The following CNBD1 variants were observed in gnomAD, a reference collection of about 807,000 sequenced individuals.
CNBD1 encodes cyclic nucleotide binding domain containing 1, also known as cyclic nucleotide-binding domain-containing protein 1.
In CNBD1, 71 loss-of-function variants were observed where a neutral mutation model predicts 54.4. That is an observed-to-expected ratio of 1.30 (90% confidence interval 1.08 to 1.59). CNBD1 has a LOEUF of 1.59. Among genes scored for constraint, CNBD1 ranks in the 40% most tolerant of loss-of-function variants. CNBD1 has a pLI of 0.00. For missense variants in CNBD1, 659 were observed against 518.0 expected (o/e 1.27, Z -2.64); for synonymous variants, 182 against 170.7 (o/e 1.07, Z -0.51).
intron 2 of CNBD1, among the ~76,000 whole-genome samples, chr8:86,899,241 G>A (rs1808895764): frequency 6.6e-6 from 1 of 152,014 alleles, no homozygotes; most frequent in Non-Finnish European, 1.5e-5. Flanking sequence ...CAAGTGAAGA[G>A]ATCTAATATA....
intron 8 of CNBD1, among the ~76,000 whole-genome samples, chr8:87,304,964 A>T (rs1655807109): frequency 6.6e-6 from 1 of 152,152 alleles, no homozygotes; most frequent in Admixed American, 6.6e-5. Flanking sequence ...GAGGAAGTCA[A>T]ACTGCCACTG....
intron 10 of CNBD1, among the ~76,000 whole-genome samples, chr8:87,373,753 T>A (rs1350903860): frequency 1.3e-5 from 2 of 151,764 alleles, no homozygotes; most frequent in Non-Finnish European, 2.9e-5. Context: ...AACAACCAAA[T>A]GTTATATGAA....
intron 4 of CNBD1, among the ~76,000 whole-genome samples, chr8:87,036,458 G>T (rs1219250837): frequency 6.6e-6 from 1 of 151,910 alleles, no homozygotes; most frequent in Admixed American, 6.6e-5. Context: ...GCCAGGCGTG[G>T]TGGTGGGCGC....
chr8:87,415,847 A>T (rs1489034374), intron 2 of CNBD1, among the ~76,000 whole-genome samples: 2 of 152,076 alleles, frequency 1.3e-5, no homozygotes, highest in Admixed American at 1.3e-4. Context: ...GGGAAAATAG[A>T]AGTATATTAC....
At chr8:87,224,646 C>T (rs914565811) in intron 5 of CNBD1, among the ~76,000 whole-genome samples, 5 of 151,670 alleles carry the variant, frequency 3.3e-5, no homozygotes, top group African/African-American at 1.2e-4. Flanking sequence ...GTTACTGTAG[C>T]CTTGTAGTAT....
rs1368278765 is a variant in CNBD1 at position 87,284,719 on chromosome 8, T to C, written c.813T>C (p.Pro271=). The C allele has an allele frequency of 6.2e-7, 1 of 1,605,318 alleles. No homozygotes were observed. Among genetic ancestry groups the C allele is most frequent in the Admixed American group, 1.7e-5 (1 of 58,850 alleles). ...CCTTTGGGACTCTGGAAGTTATGCC[T>C]CAGAATGAATCGGAAACACAGATGT... is the stretch of plus-strand genomic sequence containing the variant. ...WSTFGTLEVM[P]QNESETQMFS... is the part of the protein sequence containing the mutation. The change falls in exon 7 of 11, where the codon CCT becomes CCC. Residue 271 remains proline (P), a synonymous_variant. Transcript: ENST00000518476.
At chr8:86,938,619 G>A (rs1411252662) in intron 3 of CNBD1, among the ~76,000 whole-genome samples, 1 of 152,168 alleles carries the variant, frequency 6.6e-6, no homozygotes, top group Non-Finnish European at 1.5e-5. Flanking sequence ...GATCTTGTGA[G>A]ACTTACTCAC....
chr8:87,384,688 G>A (rs949570421), downstream of CNBD1, among the ~76,000 whole-genome samples: 2 of 152,106 alleles, frequency 1.3e-5, no homozygotes, highest in Non-Finnish European at 2.9e-5. Context: ...ACTTACTAAG[G>A]ACTATCAAAT....
At chr8:87,367,624 G>A (rs1563572138) in intron 10 of CNBD1, among the ~76,000 whole-genome samples, 1 of 152,090 alleles carries the variant, frequency 6.6e-6, no homozygotes, top group Non-Finnish European at 1.5e-5. Context: ...TATTCACTGT[G>A]TTCCACACAT....
At chr8:87,270,312 A>C (rs1016172270) in intron 6 of CNBD1, among the ~76,000 whole-genome samples, 1 of 152,042 alleles carries the variant, frequency 6.6e-6, no homozygotes, top group Non-Finnish European at 1.5e-5. Flanking sequence ...GGACATAAAC[A>C]GACACTTTTC....
At chr8:87,017,063 T>C (rs1428802339) in intron 4 of CNBD1, among the ~76,000 whole-genome samples, 1 of 152,132 alleles carries the variant, frequency 6.6e-6, no homozygotes, top group Non-Finnish European at 1.5e-5. Context: ...TCAAATCTGC[T>C]ATCCCCCATA....
rs906483174 is a variant in CNBD1, at chr8:87,118,174, G to T, written c.432-87819G>T. On this transcript the variant is annotated intron_variant, in intron 4 of 10. Transcript: ENST00000518476. ...ACTAAAAATACAAAAAATTAGCCAG[G>T]CGTGGTGGCATGCACCTGTAGACCC... Among the ~76,000 whole-genome samples, 26 of 151,848 alleles carry T rather than the reference G, an allele frequency of 1.7e-4. 1 individual carries two copies. The highest frequency in any genetic ancestry group is 6.3e-4 in the African/African-American group (26 of 41,336).
At chr8:87,003,587 T>G (rs551083813) in intron 4 of CNBD1, among the ~76,000 whole-genome samples, 183 of 152,330 alleles carry the variant, frequency 1.2e-3, no homozygotes, top group Non-Finnish European at 2.1e-3. Context: ...CAGAAACCAC[T>G]TTATCAAGAA....
intron 8 of CNBD1, among the ~76,000 whole-genome samples, chr8:87,340,811 A>G (rs2130918840): frequency 6.6e-6 from 1 of 151,874 alleles, no homozygotes; most frequent in Admixed American, 6.5e-5. Flanking sequence ...TTTTGTTCAC[A>G]TATTGTTTTT....
chr8:87,416,727 G>C (rs1807843002), intron 2 of CNBD1, among the ~76,000 whole-genome samples: 1 of 151,946 alleles, frequency 6.6e-6, no homozygotes, highest in Non-Finnish European at 1.5e-5. Context: ...GTTTACACTG[G>C]GCACTCCTGA....
chr8:87,163,600 C>T lies in CNBD1; in HGVS notation c.432-42393C>T, dbSNP rs1405569891. 6.6e-6 allele frequency among the ~76,000 whole-genome samples: 1 copy of T among 151,268 alleles called. No individual in the cohort carries two copies. The highest frequency in any genetic ancestry group is 1.5e-5 in the Non-Finnish European group (1 of 67,720). ...TTGTAATTGACATTTTTTAAAATTT[C>T]TTTTTTTCAGATATTTTGTTAGTGT... On this transcript the variant is annotated intron_variant, in intron 4 of 10. Coordinates refer to ENST00000518476, the MANE Select transcript of CNBD1 (RefSeq NM_173538.3). This position sits in a 1 kb window ranked among gnomAD's most constrained non-coding sequence, Gnocchi z 4.5.
At chr8:87,045,199 G>A (rs778443650) in intron 4 of CNBD1, among the ~76,000 whole-genome samples, 2 of 152,098 alleles carry the variant, frequency 1.3e-5, no homozygotes, top group Non-Finnish European at 2.9e-5. Context: ...ATAGCCTCTA[G>A]GTGAGAGGAA....
chr8:86,913,319 A>C (rs180911081), intron 3 of CNBD1, among the ~76,000 whole-genome samples: 1 of 152,276 alleles, frequency 6.6e-6, no homozygotes, highest in Admixed American at 6.5e-5. Context: ...TACATTGTTA[A>C]TCCTGTATTT....
Position 87,387,932 on chromosome 8 carries a change from G to C in CNBD1, c.213+34146G>C, listed in dbSNP as rs190032423. ...CTCAGACCACAGTGCAATCAAACTA[G>C]AACTCAGGATTAAGAAACTGACTCA... On this transcript the variant is annotated intron_variant, in intron 2 of 7. Coordinates refer to the CNBD1 transcript ENST00000521593. Among the ~76,000 whole-genome samples, 477 of 152,244 alleles carry C rather than the reference G, an allele frequency of 3.1e-3. 2 individuals carry two copies. The highest frequency in any genetic ancestry group is 0.011 in the African/African-American group (451 of 41,548).
Sources: gnomAD v4.1 joint callset for allele counts (sites outside exome capture counted in the v4.1 genomes callset) on GRCh38, gnomAD v4.1.1 for gene constraint, Gnocchi (gnomAD v3.1) non-coding constraint, MANE v1.5 for transcripts, NCBI Gene and HGNC (gene_info 2026-07-23, HGNC 2026-07-21) for gene names.